Variants in TMEM163 observed in about 807,000 individuals in gnomAD.
TMEM163 encodes transmembrane protein 163.
A neutral mutation model predicts 29.3 loss-of-function variants in TMEM163; 17 were observed. The ratio of observed to expected loss-of-function variants is 0.58; its 90% CI spans 0.40 to 0.87. The LOEUF (loss-of-function observed/expected upper bound fraction) is 0.87, where lower values mean the gene tolerates loss of function less well. Among genes scored for constraint, TMEM163 ranks in the 40% least tolerant of loss-of-function variants. TMEM163 has a pLI of 0.00. For missense variants in TMEM163, 303 were observed against 381.5 expected (o/e 0.79, Z 1.71); for synonymous variants, 157 against 160.6 (o/e 0.98, Z 0.17).
In TMEM163 at chr2:134,550,554, A is replaced by G; in HGVS notation, c.458+16T>C. The G allele has an allele frequency of 1.2e-6, 2 of 1,613,250 alleles. No individual in the cohort carries two copies. Among genetic ancestry groups the G allele is most frequent in the Non-Finnish European group, 1.7e-6 (2 of 1,179,330 alleles). ...CACGGGTTCTTCAGCCTGGAGAAAG[A>G]CAAGAATCTACTTACATGTACTCCC... On this transcript the variant is annotated intron_variant, in intron 4 of 7. Coordinates refer to ENST00000281924, the MANE Select transcript of TMEM163 (RefSeq NM_030923.5).
At chr2:134,523,710 A>G (rs1274816306) in intron 4 of TMEM163, among the ~76,000 whole-genome samples, 1 of 152,168 alleles carries the variant, frequency 6.6e-6, no homozygotes, top group Admixed American at 6.5e-5. Context: ...CTCCTAGTCA[A>G]AGAAATAAAG....
intron 4 of TMEM163, among the ~76,000 whole-genome samples, chr2:134,525,303 G>A (rs1014278243): frequency 1.3e-5 from 2 of 152,214 alleles, no homozygotes; most frequent in African/African-American, 4.8e-5. Flanking sequence ...GGGTGGGCCT[G>A]GCAGCATGCC....
At chr2:134,613,578 A>C (rs1682549374) in intron 2 of TMEM163, among the ~76,000 whole-genome samples, 1 of 152,190 alleles carries the variant, frequency 6.6e-6, no homozygotes, top group Non-Finnish European at 1.5e-5. Context: ...TTATAATGGA[A>C]ATACAAAAGC....
chr2:134,559,427 C>T (rs1214468286), intron 2 of TMEM163, among the ~76,000 whole-genome samples: 1 of 152,220 alleles, frequency 6.6e-6, no homozygotes, highest in African/African-American at 2.4e-5. Flanking sequence ...TTACAAAAAG[C>T]TGTACCATGG....
chr2:134,646,276 C>T (rs926946321), intron 2 of TMEM163, among the ~76,000 whole-genome samples: 7 of 150,852 alleles, frequency 4.6e-5, no homozygotes, highest in Non-Finnish European at 7.4e-5. Flanking sequence ...GTAGAGACAG[C>T]GTTTCACCAT....
intron 2 of TMEM163, among the ~76,000 whole-genome samples, chr2:134,634,890 C>T (rs1683070085): frequency 6.6e-6 from 1 of 152,260 alleles, no homozygotes; most frequent in Non-Finnish European, 1.5e-5. Context: ...AAATTTTCTT[C>T]AATCCCTAAC....
At chr2:134,711,567 AG>A (rs1466054988) in intron 2 of TMEM163, among the ~76,000 whole-genome samples, 3 of 152,250 alleles carry the variant, frequency 2.0e-5, no homozygotes, top group South Asian at 2.1e-4. Flanking sequence ...AAGAAAGAGA[AG>A]CCCTTTTCAC....
At chr2:134,523,549 C>T (rs1413539605) in intron 4 of TMEM163, among the ~76,000 whole-genome samples, 2 of 152,174 alleles carry the variant, frequency 1.3e-5, no homozygotes, top group East Asian at 3.8e-4. Context: ...GTCTCTCCCC[C>T]AATCTCCCCT....
At chr2:134,470,443 G>A (rs1167589978) in intron 5 of TMEM163, among the ~76,000 whole-genome samples, 6 of 151,716 alleles carry the variant, frequency 4.0e-5, no homozygotes, top group Non-Finnish European at 8.8e-5. Context: ...GTATTGGGAA[G>A]CTAAGTTTTT....
At chr2:134,522,516 T>C (rs543354640) in intron 4 of TMEM163, among the ~76,000 whole-genome samples, 23 of 152,212 alleles carry the variant, frequency 1.5e-4, no homozygotes, top group Non-Finnish European at 2.4e-4. Flanking sequence ...ATGGACTGGA[T>C]AATTTGCTCC....
chr2:134,655,502 C>T lies in TMEM163; in HGVS notation c.322+57698G>A, dbSNP rs1352191360. Among the ~76,000 whole-genome samples the T allele has an allele frequency of 3.4e-3, 462 of 134,556 alleles. 17 individuals carry two copies. The highest frequency in any genetic ancestry group is 5.3e-3 in the Non-Finnish European group (345 of 64,952). The allele number at this position is 134,556 out of a possible 152,430, so 88.3% of individuals were successfully genotyped here. ...TTTGCCTTTGGTTTGAATGTCCTCC[C>T]GTAGCTCAGAGTAATTTGATCGTCT... On this transcript the variant is annotated intron_variant, in intron 2 of 7. Coordinates refer to ENST00000281924, the MANE Select transcript of TMEM163 (RefSeq NM_030923.5).
Position 134,517,473 on chromosome 2 carries a change from G to A in TMEM163, c.459-14476C>T, listed in dbSNP as rs184930295. Among the ~76,000 whole-genome samples, 309 of 152,282 alleles carry A rather than the reference G, an allele frequency of 2.0e-3. 4 individuals are homozygous for A. The highest frequency in any genetic ancestry group is 0.01 in the Middle Eastern group (3 of 294). ...CTCAAAGCCAAATTTGAGGCTTGCC[G>A]CGTAGACAAGCCGGAATTTTCTTTA... On this transcript the variant is annotated intron_variant, in intron 4 of 7. Transcript: ENST00000281924.
intron 2 of TMEM163, among the ~76,000 whole-genome samples, chr2:134,652,220 T>C (rs1274117811): frequency 3.6e-5 from 3 of 82,360 alleles, no homozygotes; most frequent in Non-Finnish European, 7.8e-5. Flanking sequence ...TTTTATTTCC[T>C]TGAGCAGTGA....
At chr2:134,706,659 C>G (rs1446161514) in intron 2 of TMEM163, among the ~76,000 whole-genome samples, 1 of 152,132 alleles carries the variant, frequency 6.6e-6, no homozygotes, top group East Asian at 1.9e-4. Flanking sequence ...AAACCAAAGG[C>G]ATCTGAGACT....
At chr2:134,538,752 T>C (rs78583178) in intron 4 of TMEM163, among the ~76,000 whole-genome samples, 3,465 of 152,210 alleles carry the variant, frequency 0.023, 164 homozygotes, top group African/African-American at 0.078. Context: ...CCTGATTCCA[T>C]GTGTATGAAA....
intron 2 of TMEM163, among the ~76,000 whole-genome samples, chr2:134,580,329 G>A (rs1271954078): frequency 1.3e-5 from 2 of 152,142 alleles, no homozygotes; most frequent in Non-Finnish European, 2.9e-5. Context: ...GCATACACTG[G>A]ATTTTAATTA....
intron 6 of TMEM163, among the ~76,000 whole-genome samples, chr2:134,461,214 T>C (rs1686527272): frequency 6.6e-6 from 1 of 152,244 alleles, no homozygotes; most frequent in African/African-American, 2.4e-5. Flanking sequence ...AAATGATGGC[T>C]GAGGCCATCC....
chr2:134,545,425 T>C (rs1680758801), intron 4 of TMEM163, among the ~76,000 whole-genome samples: 1 of 152,196 alleles, frequency 6.6e-6, no homozygotes, highest in Non-Finnish European at 1.5e-5. Context: ...TAGAGGCTGC[T>C]TTTCCTCTCT....
chr2:134,690,363 G>A (rs1052886264), intron 2 of TMEM163, among the ~76,000 whole-genome samples: 7 of 151,544 alleles, frequency 4.6e-5, no homozygotes, highest in Non-Finnish European at 1.0e-4. Flanking sequence ...TTGGCTCACT[G>A]TAACCTCCAC....
Sources: gnomAD v4.1 joint callset for allele counts (sites outside exome capture counted in the v4.1 genomes callset) on GRCh38, gnomAD v4.1.1 for gene constraint, MANE v1.5 for transcripts, NCBI Gene and HGNC (gene_info 2026-07-23, HGNC 2026-07-21) for gene names.